Variants in PDE1A observed in about 807,000 individuals in gnomAD.
PDE1A encodes dual specificity calcium/calmodulin-dependent 3',5'-cyclic nucleotide phosphodiesterase 1A.
In PDE1A, 35 loss-of-function variants were observed where a neutral mutation model predicts 61.7. That is an observed-to-expected ratio of 0.57 (90% CI 0.43 to 0.75). The LOEUF (loss-of-function observed/expected upper bound fraction) is 0.75. PDE1A is among the 30% of genes least tolerant of loss of function. The probability of loss-of-function intolerance (pLI) is 0.00; values close to 1 mark genes in which losing one functional copy is unlikely to be tolerated. For synonymous variants in PDE1A, 232 were observed against 213.2 expected (o/e 1.09, Z -0.77); for missense variants, 597 against 630.6 (o/e 0.95, Z 0.57).
chr2:182,512,546 T>C (rs897825796), intron 2 of PDE1A, among the ~76,000 whole-genome samples: 5 of 152,174 alleles, frequency 3.3e-5, no homozygotes, highest in African/African-American at 1.2e-4. Flanking sequence ...AAATCTAGTG[T>C]CTTTTACCTC....
Position 182,493,428 on chromosome 2 carries a change from C to T in PDE1A, c.101+28848G>A, listed in dbSNP as rs1688517751. Among the ~76,000 whole-genome samples the T allele has an allele frequency of 1.3e-5, 2 of 152,108 alleles. 1 individual carries two copies. Among genetic ancestry groups the T allele is most frequent in the South Asian group, 4.1e-4 (2 of 4,830 alleles). On this transcript the variant is annotated intron_variant, in intron 2 of 14. Coordinates refer to the PDE1A transcript ENST00000410103. Reference sequence around the variant, plus strand: ...GGCATAGCTCCTAATGCTATCCCTCCCCGCCTCCTCACCCCGTGACAGGCC... The same window carrying T: ...GGCATAGCTCCTAATGCTATCCCTCTCCGCCTCCTCACCCCGTGACAGGCC...
At chr2:182,517,947 G>A (rs952450781) in intron 2 of PDE1A, among the ~76,000 whole-genome samples, 10 of 152,188 alleles carry the variant, frequency 6.6e-5, no homozygotes, top group Non-Finnish European at 1.3e-4. Flanking sequence ...GCCTCCAGAA[G>A]AGAGAACAAA....
chr2:182,403,598 C>CAAAAAAAAAAAAAAAAAAAAAAA (rs548993514), intron 1 of PDE1A, among the ~76,000 whole-genome samples: 6 of 77,634 alleles, frequency 7.7e-5, no homozygotes, highest in African/African-American at 3.1e-4. Flanking sequence ...GACTCCGTCT[C>CAAAAAAAAAAAAAAAAAAAAAAA]AAAAAAAAAA....
chr2:182,320,281 T>A (rs896697260), intron 1 of PDE1A, among the ~76,000 whole-genome samples: 3 of 152,138 alleles, frequency 2.0e-5, no homozygotes, highest in Non-Finnish European at 4.4e-5. Flanking sequence ...GAGTGGAGGA[T>A]AATTACCAGA....
chr2:182,445,474 G>C (rs1685075035), intron 2 of PDE1A, among the ~76,000 whole-genome samples: 1 of 152,066 alleles, frequency 6.6e-6, no homozygotes, highest in African/African-American at 2.4e-5. Flanking sequence ...GGATGTCGGT[G>C]ATTTCCTTCA....
chr2:182,463,141 T>C (rs1435318844), intron 2 of PDE1A, among the ~76,000 whole-genome samples: 2 of 151,972 alleles, frequency 1.3e-5, no homozygotes, highest in East Asian at 3.9e-4. Context: ...CTCGGGAGGC[T>C]GAGGCGAGAA....
intron 1 of PDE1A, among the ~76,000 whole-genome samples, chr2:182,380,174 G>A (rs951012078): frequency 3.7e-5 from 5 of 136,366 alleles, no homozygotes; most frequent in East Asian, 2.4e-4. Context: ...GCAGTGGCAC[G>A]CTCTCAGCTC....
At chr2:182,192,620 T>C (rs1484594076) in intron 10 of PDE1A, among the ~76,000 whole-genome samples, 2 of 152,132 alleles carry the variant, frequency 1.3e-5, no homozygotes, top group East Asian at 1.9e-4. Flanking sequence ...GAAGAATTTA[T>C]ATTTTTCTTA....
intron 7 of PDE1A, among the ~76,000 whole-genome samples, chr2:182,212,845 C>T (rs923848881): frequency 1.1e-4 from 16 of 152,224 alleles, no homozygotes; most frequent in African/African-American, 2.2e-4. Context: ...AGGGGAGGGG[C>T]GCCTGCCATT....
chr2:182,503,040 T>TAC (rs35067674), intron 2 of PDE1A, among the ~76,000 whole-genome samples: 1,980 of 96,966 alleles, frequency 0.02, 24 homozygotes, highest in Middle Eastern at 0.045. Flanking sequence ...CATTCTTTCT[T>TAC]ACACACACAC....
chr2:182,665,488 G>C, the PDE1A span, among the ~76,000 whole-genome samples: 13 of 152,134 alleles, frequency 8.5e-5, no homozygotes, highest in Non-Finnish European at 1.5e-4. Flanking sequence ...CTGATCATTA[G>C]AGAAATGCAA....
the PDE1A span, among the ~76,000 whole-genome samples, chr2:182,563,245 G>T: frequency 6.6e-6 from 1 of 151,888 alleles, no homozygotes; most frequent in African/African-American, 2.4e-5. Context: ...CAGAGAGTCT[G>T]GTATGTTGTA....
At chr2:182,242,867 C>A (rs186654387) in intron 2 of PDE1A, among the ~76,000 whole-genome samples, 274 of 150,070 alleles carry the variant, frequency 1.8e-3, no homozygotes, top group Middle Eastern at 6.9e-3. Context: ...CTCTCTCTCT[C>A]CTCTCTCCTC....
chr2:182,160,685 C>T (rs1011301775), intron 13 of PDE1A, among the ~76,000 whole-genome samples: 1 of 152,112 alleles, frequency 6.6e-6, no homozygotes, highest in Non-Finnish European at 1.5e-5. Context: ...TCTCTCAAAG[C>T]CACGCTACAA....
intron 2 of PDE1A, among the ~76,000 whole-genome samples, chr2:182,476,514 G>A (rs10199957): frequency 0.03 from 4,487 of 151,768 alleles, 221 homozygotes; most frequent in African/African-American, 0.1. Flanking sequence ...TTAAATAAAA[G>A]TAGTGTTACC....
chr2:182,535,154 AG>A, the PDE1A span, among the ~76,000 whole-genome samples: 4 of 152,040 alleles, frequency 2.6e-5, no homozygotes, highest in Non-Finnish European at 2.9e-5. Context: ...TTTTTATGTA[AG>A]TCCTACAGTT....
chr2:182,696,084 C>T, the PDE1A span, among the ~76,000 whole-genome samples: 4 of 152,204 alleles, frequency 2.6e-5, no homozygotes, highest in Non-Finnish European at 5.9e-5. Context: ...ATACTCTTGT[C>T]ATAAGATCCA....
In PDE1A at chr2:182,295,057, C is replaced by CTTTTTTTTTTTTTTTT. The variant is rs11420821; in HGVS notation, c.54-30659_54-30644dup. On this transcript the variant is annotated intron_variant, in intron 1 of 13. Coordinates refer to ENST00000351439, the Ensembl canonical transcript of PDE1A. ...ACGACCAATCAAAATAAAAGGTAAT[C>CTTTTTTTTTTTTTTTT]TTTTTTTTTTTTTTTTTTTTTTTTT... Among the ~76,000 whole-genome samples, 119 of 59,368 alleles carry CTTTTTTTTTTTTTTTT rather than the reference C, an allele frequency of 2.0e-3. 36 individuals are homozygous for CTTTTTTTTTTTTTTTT. Among genetic ancestry groups the CTTTTTTTTTTTTTTTT allele is most frequent in the Non-Finnish European group, 3.0e-3 (100 of 33,738 alleles). The allele number at this position is 59,368 out of a possible 152,430, so 38.9% of individuals were successfully genotyped here.
the PDE1A span, among the ~76,000 whole-genome samples, chr2:182,653,886 GGCAACTAGGGTACTCTCTTCTTCCT>G: frequency 6.6e-6 from 1 of 152,012 alleles, no homozygotes; most frequent in Non-Finnish European, 1.5e-5. Context: ...GCCTTACTGG[GGCAACTAGGGTACTCTCTTCTTCCT>G]GCACATCAGA....
Sources: allele counts gnomAD v4.1 joint callset (sites outside exome capture counted in the v4.1 genomes callset), GRCh38; gene constraint gnomAD v4.1.1; transcripts MANE v1.5; gene names NCBI Gene and HGNC (gene_info 2026-07-23, HGNC 2026-07-21).